The following ITPKB variants were observed in gnomAD, a reference collection of about 807,000 sequenced individuals.
ITPKB encodes IP3 3-kinase B.
A neutral mutation model predicts 69.4 loss-of-function variants in ITPKB; 13 were observed. The ratio of observed to expected loss-of-function variants is 0.19; its 90% CI spans 0.12 to 0.30. The LOEUF is 0.30. ITPKB is among the 10% of genes least tolerant of loss of function. The pLI, the probability that ITPKB is intolerant of heterozygous loss-of-function variation, is 1.00. For synonymous variants in ITPKB, 584 were observed against 513.7 expected, an observed-to-expected ratio of 1.14 and a Z score of -1.85; for missense variants, 1,240 against 1,250.5, an observed-to-expected ratio of 0.99 and a Z score of 0.13.
At chr1:226,643,738 T>C (rs1042106343) in intron 4 of ITPKB, among the ~76,000 whole-genome samples, 2 of 152,360 alleles carry the variant, frequency 1.3e-5, no homozygotes, top group South Asian at 4.1e-4. Flanking sequence ...CAGGAGGTGA[T>C]GAGGGCTGGA....
chr1:226,653,369 G>T (rs773897591), intron 2 of ITPKB, among the ~76,000 whole-genome samples: 2 of 152,214 alleles, frequency 1.3e-5, no homozygotes, highest in African/African-American at 2.4e-5. Context: ...GGGCAGGAAG[G>T]ACAAGAGCAA....
rs3841844 is a variant in ITPKB, at chr1:226,667,826, A to ATGTGTGTGTGTGTGTG, written c.1933-19071_1933-19056dup. Among the ~76,000 whole-genome samples, 311 of 148,458 alleles carry ATGTGTGTGTGTGTGTG rather than the reference A, an allele frequency of 2.1e-3. 1 individual carries two copies. The highest frequency in any genetic ancestry group is 6.9e-3 in the Middle Eastern group (2 of 290). The stretch of plus-strand genomic sequence containing the variant: ...GCTAAGTCTTAAAAAGATGAGGAAA[A>ATGTGTGTGTGTGTGTG]TGTGTGTGTGTGTGTGTGTGTGTGT... On this transcript the variant is annotated intron_variant, in intron 2 of 7. Transcript: ENST00000429204.
At chr1:226,725,951 A>G (rs1352330997) in intron 2 of ITPKB, among the ~76,000 whole-genome samples, 2 of 152,224 alleles carry the variant, frequency 1.3e-5, no homozygotes, top group Non-Finnish European at 2.9e-5. Flanking sequence ...CTTTTCAAGC[A>G]ACAAGGTCAG....
intron 2 of ITPKB, among the ~76,000 whole-genome samples, chr1:226,723,251 G>C (rs1309202496): frequency 1.3e-5 from 2 of 152,206 alleles, no homozygotes; most frequent in East Asian, 1.9e-4. Context: ...CTTGTGACTT[G>C]GGAAGTCCTG....
intron 2 of ITPKB, among the ~76,000 whole-genome samples, chr1:226,700,389 A>C (rs1656605089): frequency 7.2e-6 from 1 of 138,232 alleles, no homozygotes; most frequent in Non-Finnish European, 1.5e-5. Flanking sequence ...GAATCACTTG[A>C]ATCCGGGAGG....
chr1:226,710,811 G>A (rs540168762), intron 2 of ITPKB, among the ~76,000 whole-genome samples: 1 of 152,336 alleles, frequency 6.6e-6, no homozygotes, highest in Non-Finnish European at 1.5e-5. Flanking sequence ...CTTCACCCAG[G>A]CCCCTGATGG....
Position 226,642,693 on chromosome 1 carries a change from G to T in ITPKB, c.2247-568C>A, listed in dbSNP as rs1175811669. Among the ~76,000 whole-genome samples, 2 of 152,016 alleles carry T rather than the reference G, an allele frequency of 1.3e-5. No individual in the cohort carries two copies. Among genetic ancestry groups the T allele is most frequent in the African/African-American group, 2.4e-5 (1 of 41,386 alleles). ...TACGGTGGAGCTAAGAGAGGGGACT[G>T]GGGGCAGGGTCTACTCAGGGCCCCA... On this transcript the variant is annotated intron_variant, in intron 4 of 7. Coordinates refer to ENST00000429204, the MANE Select transcript of ITPKB (RefSeq NM_002221.4). The surrounding 1 kb of genome is among the most constrained non-coding windows in gnomAD (Gnocchi z 6.4).
At chr1:226,733,892 T>C (rs1488284726) in intron 2 of ITPKB, among the ~76,000 whole-genome samples, 1 of 152,246 alleles carries the variant, frequency 6.6e-6, no homozygotes, top group Non-Finnish European at 1.5e-5. Flanking sequence ...CAAACTGTTT[T>C]GACAACCAGC....
intron 2 of ITPKB, among the ~76,000 whole-genome samples, chr1:226,650,046 T>C (rs948076303): frequency 6.6e-6 from 1 of 152,162 alleles, no homozygotes. Context: ...AGAAGCCATG[T>C]GGCTTGCAGA....
In ITPKB at chr1:226,641,339, CCACAAA is replaced by C. The variant is rs3835705; in HGVS notation, c.2451+576_2451+581del. 0.022 allele frequency among the ~76,000 whole-genome samples: 3,275 copies of C among 152,152 alleles called. 111 individuals carry two copies. Among genetic ancestry groups the C allele is most frequent in the Admixed American group, 0.089 (1,354 of 15,282 alleles). ...AGGGAAAGAGCCATCATTTTGTAAA[CCACAAA>C]CACAAAGTAAATATATTAATTAGGG... is the stretch of plus-strand genomic sequence containing the variant. On this transcript the variant is annotated intron_variant, in intron 5 of 7. Transcript: ENST00000429204. The surrounding 1 kb of genome is among the most constrained non-coding windows in gnomAD (Gnocchi z 4.6).
chr1:226,706,081 G>A (rs967748760), intron 2 of ITPKB, among the ~76,000 whole-genome samples: 32 of 152,194 alleles, frequency 2.1e-4, no homozygotes. Context: ...GGAATTGCCA[G>A]AAAGATGATC....
At position 226,645,646 on chromosome 1, in the gene ITPKB, A is replaced by G. The variant is rs3754384; in HGVS notation, c.2246+1521T>C. ...TCCTGCTGCTGTCTGGGTTGGAAGG[A>G]AGGGCTGGGCCTCCCCTGAGAGGAC... On this transcript the variant is annotated intron_variant, in intron 4 of 7. Coordinates refer to ENST00000429204, the MANE Select transcript of ITPKB (RefSeq NM_002221.4). 4.2e-3 allele frequency among the ~76,000 whole-genome samples: 637 copies of G among 152,244 alleles called. 16 individuals are homozygous for G. In the East Asian group the frequency reaches 0.051, roughly 12 times the overall value.
At chr1:226,721,611 T>C (rs1048229052) in intron 2 of ITPKB, among the ~76,000 whole-genome samples, 8 of 151,594 alleles carry the variant, frequency 5.3e-5, no homozygotes, top group East Asian at 2.0e-4. Context: ...TTCTCCTGCC[T>C]CAGCCTCCCA....
At chr1:226,720,908 G>A (rs1657221044) in intron 2 of ITPKB, among the ~76,000 whole-genome samples, 2 of 152,008 alleles carry the variant, frequency 1.3e-5, no homozygotes, top group African/African-American at 4.8e-5. Flanking sequence ...CAGGCATGGT[G>A]GCACCTGTCT....
rs1015975195 is a variant in ITPKB at position 226,736,946 on chromosome 1, C to T, written c.513G>A (p.Arg171=). The T allele has an allele frequency of 8.1e-6, 13 of 1,611,472 alleles. No individual in the cohort carries two copies. The highest frequency in any genetic ancestry group is 1.1e-5 in the Non-Finnish European group (13 of 1,179,982). ...AGGGGCACGGGGAGGGCGAGCGAGC[C>T]CTGCCCAAACGCGGGCTGCGGGGCG... is the stretch of plus-strand genomic sequence containing the variant. ...IQAPRSPRLG[R]ARSPSPCPFR... The change falls in exon 2 of 8, where the codon AGG becomes AGA. Residue 171 remains arginine, a synonymous_variant. Coordinates refer to ENST00000429204, the MANE Select transcript of ITPKB (RefSeq NM_002221.4).
chr1:226,715,888 G>A (rs1204732290), intron 2 of ITPKB, among the ~76,000 whole-genome samples: 1 of 152,190 alleles, frequency 6.6e-6, no homozygotes, highest in African/African-American at 2.4e-5. Context: ...TCGGCTCACT[G>A]AAACCTCCGC....
chr1:226,646,916 C>A (rs1175243208), intron 4 of ITPKB, among the ~76,000 whole-genome samples: 2 of 152,226 alleles, frequency 1.3e-5, no homozygotes, highest in East Asian at 3.9e-4. Flanking sequence ...TGCCCTTTTT[C>A]TGGTTCCGCC....
intron 2 of ITPKB, among the ~76,000 whole-genome samples, chr1:226,721,793 C>A (rs1171790390): frequency 2.0e-5 from 3 of 151,304 alleles, no homozygotes; most frequent in Non-Finnish European, 2.9e-5. Context: ...CCGCACCTGG[C>A]CTTTTTTTCT....
intron 2 of ITPKB, among the ~76,000 whole-genome samples, chr1:226,665,793 T>C (rs996046004): frequency 1.3e-5 from 2 of 152,052 alleles, no homozygotes; most frequent in African/African-American, 4.8e-5. Flanking sequence ...TACAACACAA[T>C]TTAGAACCCG....
Sources: gnomAD v4.1 joint callset for allele counts (sites outside exome capture counted in the v4.1 genomes callset) on GRCh38, gnomAD v4.1.1 for gene constraint, Gnocchi (gnomAD v3.1) non-coding constraint, MANE v1.5 for transcripts, NCBI Gene and HGNC (gene_info 2026-07-23, HGNC 2026-07-21) for gene names.